The following CDC16 variants were observed in gnomAD, a reference collection of about 807,000 sequenced individuals.
CDC16 encodes cell division cycle 16.
A neutral mutation model predicts 87.0 loss-of-function variants in CDC16; 34 were observed. The ratio of observed to expected loss-of-function variants is 0.39; its 90% CI spans 0.30 to 0.52. The LOEUF is 0.52. Among genes scored for constraint, CDC16 ranks in the 20% least tolerant of loss-of-function variants. The pLI, the probability that CDC16 is intolerant of heterozygous loss-of-function variation, is 0.74. For missense variants in CDC16, 653 were observed against 751.9 expected (o/e 0.87, Z 1.54); for synonymous variants, 263 against 260.6 (o/e 1.01, Z -0.09).
At chr13:114,248,007 A>G (rs1843476340) in intron 11 of CDC16, among the ~76,000 whole-genome samples, 1 of 152,232 alleles carries the variant, frequency 6.6e-6, no homozygotes, top group South Asian at 2.1e-4. Flanking sequence ...TCTTTTATTA[A>G]TAGTTGTGAA....
chr13:114,235,427 C>T (rs1161550249), intron 1 of CDC16, among the ~76,000 whole-genome samples: 2 of 152,204 alleles, frequency 1.3e-5, no homozygotes, highest in African/African-American at 2.4e-5. Context: ...ACACTGACTA[C>T]TCAGTGCAAG....
In CDC16 at chr13:114,236,620, A is replaced by G. The variant is rs371985723; in HGVS notation, c.49-25A>G. ...CTATTAAAATAACAGGGCAGTTACC[A>G]CCTTTTTTTTTTTTTGGTATGCAGC... is the stretch of plus-strand genomic sequence containing the variant. On this transcript the variant is annotated intron_variant, in intron 1 of 17. Transcript: ENST00000356221. 7 of 1,562,924 alleles carry G rather than the reference A, an allele frequency of 4.5e-6. No homozygotes were observed. In the African/African-American group the frequency reaches 8.3e-5, roughly 19 times the overall value.
chr13:114,270,017 T>C (rs1456275772), intron 17 of CDC16, among the ~76,000 whole-genome samples: 1 of 152,232 alleles, frequency 6.6e-6, no homozygotes, highest in Non-Finnish European at 1.5e-5. Flanking sequence ...ATTTCACAGA[T>C]TTTTGACAAA....
intron 12 of CDC16, among the ~76,000 whole-genome samples, chr13:114,256,654 A>C (rs912514995): frequency 5.3e-5 from 8 of 152,240 alleles, no homozygotes; most frequent in Admixed American, 5.2e-4. Context: ...GAGAGCATTT[A>C]TGTTAGAAAA....
At position 114,272,396 on chromosome 13, in the gene CDC16, G is replaced by T. The variant is rs1285738053; in HGVS notation, c.1816G>T (p.Glu606Ter). ...LEETFEIEMN[E>*]SDMMLETSMS... Reference sequence around the variant, plus strand: ...AGAAACCTTTGAAATTGAAATGAATGAAAGTGACATGATGTTAGAGACATC... The same window carrying T: ...AGAAACCTTTGAAATTGAAATGAATTAAAGTGACATGATGTTAGAGACATC... The change falls in exon 18 of 18, where the codon GAA (glutamate) becomes TAA (stop). Residue 606 changes from glutamate (E) to a stop codon, truncating the protein, a stop_gained. Transcript: ENST00000356221. LOFTEE classifies it high-confidence loss of function. 5.6e-6 allele frequency: 9 copies of T among 1,614,008 alleles called. No individual in the cohort carries two copies. Among genetic ancestry groups the T allele is most frequent in the African/African-American group, 1.3e-5 (1 of 74,940 alleles).
chr13:114,236,597 A>G, intron 1 of CDC16, 48 bp from the exon 2 acceptor site: 1 of 1,552,642 alleles, frequency 6.4e-7, no homozygotes, highest in Non-Finnish European at 8.8e-7. Flanking sequence ...GTTTAAGACT[A>G]TTAAAATAAC....
intron 5 of CDC16, among the ~76,000 whole-genome samples, chr13:114,239,838 T>C (rs538862020): frequency 6.6e-6 from 1 of 152,354 alleles, no homozygotes; most frequent in Admixed American, 6.5e-5. Context: ...TTAGCGTACA[T>C]TGTTTCTTTC....
intron 6 of CDC16, chr13:114,242,616 C>T (rs1594569483): frequency 4.6e-6 from 1 of 216,106 alleles, no homozygotes; most frequent in Non-Finnish European, 9.1e-6. Flanking sequence ...ATGTCCAGTT[C>T]CCAACTCCAG....
chr13:114,244,021 C>T lies in CDC16; in HGVS notation c.767+32C>T, dbSNP rs140428792. On this transcript the variant is annotated intron_variant, in intron 8 of 17. Coordinates refer to ENST00000356221, the MANE Select transcript of CDC16 (RefSeq NM_001078645.3). Reference sequence around the variant, plus strand: ...ATATCCATCCATTTTTCTGTAGGAACATGGAGTTCACTCCATCTTACCTAG... The same window carrying T: ...ATATCCATCCATTTTTCTGTAGGAATATGGAGTTCACTCCATCTTACCTAG... The T allele has an allele frequency of 8.2e-5, 126 of 1,533,300 alleles. No individual in the cohort carries two copies. In the East Asian group the frequency reaches 2.7e-3, roughly 32 times the overall value. The allele number at this position is 1,533,300 out of a possible 1,614,324, so 95.0% of individuals were successfully genotyped here.
At chr13:114,244,079 G>A (rs953856919) in intron 8 of CDC16, 90 bp downstream of exon 8, 2 of 863,428 alleles carry the variant, frequency 2.3e-6, no homozygotes, top group Non-Finnish European at 3.6e-6. Context: ...GAATAATCTT[G>A]AACTAGATGA....
At chr13:114,256,241 A>T (rs1215096451) in intron 12 of CDC16, among the ~76,000 whole-genome samples, 1 of 152,192 alleles carries the variant, frequency 6.6e-6, no homozygotes, top group African/African-American at 2.4e-5. Context: ...AATTTTTGCC[A>T]GTGTTGTTGT....
At chr13:114,258,267 A>T (rs1425516075) in intron 13 of CDC16, among the ~76,000 whole-genome samples, 2 of 152,204 alleles carry the variant, frequency 1.3e-5, no homozygotes, top group Non-Finnish European at 2.9e-5. Context: ...GTAACCGCCA[A>T]ATCAGTTCCT....
intron 17 of CDC16, among the ~76,000 whole-genome samples, chr13:114,268,981 A>C (rs968830797): frequency 2.0e-5 from 3 of 152,190 alleles, no homozygotes; most frequent in Non-Finnish European, 4.4e-5. Flanking sequence ...AAAACTGCTT[A>C]ATATCACAAT....
chr13:114,247,898 A>G (rs1437823458), intron 11 of CDC16, among the ~76,000 whole-genome samples: 1 of 151,854 alleles, frequency 6.6e-6, no homozygotes, highest in African/African-American at 2.4e-5. Flanking sequence ...AATAATAATT[A>G]ATAAATGAGA....
Position 114,270,914 on chromosome 13 carries a change from C to CTTT in CDC16, c.1604-1247_1604-1245dup, listed in dbSNP as rs571053869. On this transcript the variant is annotated intron_variant, in intron 17 of 17. Transcript: ENST00000356221. ...CCTTGACCTCGCAGAAGAGATTTACCTTTTTTTTTTTTTTTTTTTTTTTTT... is the reference window on the plus strand; with the variant it reads ...CCTTGACCTCGCAGAAGAGATTTACCTTTTTTTTTTTTTTTTTTTTTTTTTTTT... Among the ~76,000 whole-genome samples the CTTT allele has an allele frequency of 2.1e-3, 214 of 101,154 alleles. 2 individuals carry two copies. Among genetic ancestry groups the CTTT allele is most frequent in the East Asian group, 3.5e-3 (11 of 3,100 alleles). The allele number at this position is 101,154 out of a possible 152,430, so 66.4% of individuals were successfully genotyped here.
intron 17 of CDC16, among the ~76,000 whole-genome samples, chr13:114,268,276 G>A (rs753935066): frequency 1.3e-5 from 2 of 152,216 alleles, no homozygotes; most frequent in African/African-American, 2.4e-5. Context: ...CTTACCTCCC[G>A]ACTGGCTCAC....
chr13:114,239,466 C>T lies in CDC16; in HGVS notation c.357C>T (p.Ser119=), dbSNP rs1166967057. The change falls in exon 5 of 18, where the codon AGC becomes AGT. Residue 119 remains serine, a synonymous_variant. Transcript: ENST00000356221. The stretch of plus-strand genomic sequence containing the variant: ...AAAGTGGCTTCAAAGATCCTTCCAG[C>T]GACTGGGAAATGTCACAGTCTTCAG... The part of the protein sequence containing the change: ...KDESGFKDPS[S]DWEMSQSSIK... 8.1e-6 allele frequency: 13 copies of T among 1,611,152 alleles called. No individual in the cohort carries two copies. The highest frequency in any genetic ancestry group is 4.5e-5 in the East Asian group (2 of 44,864).
Position 114,265,224 on chromosome 13 carries a change from T to C in CDC16, c.1587T>C (p.Asp529=). Residue 529 remains aspartate (D), a synonymous_variant, in exon 17 of 18, where the codon GAT becomes GAC. Coordinates refer to ENST00000356221, the MANE Select transcript of CDC16 (RefSeq NM_001078645.3). ...LGHCIEMYIG[D]SEAYIGADIK... is the part of the protein sequence containing the mutation. ...ATTGCATCGAAATGTACATTGGTGA[T>C]TCTGAAGCTTATATTGGTAAGATAA... is the stretch of plus-strand genomic sequence containing the variant. 6.2e-7 allele frequency: 1 copy of C among 1,603,836 alleles called. No individual in the cohort carries two copies. Among genetic ancestry groups the C allele is most frequent in the Non-Finnish European group, 8.5e-7 (1 of 1,170,548 alleles).
At chr13:114,237,222 C>CAA (rs57236351) in intron 3 of CDC16, among the ~76,000 whole-genome samples, 3,525 of 135,428 alleles carry the variant, frequency 0.026, 142 homozygotes, top group African/African-American at 0.091. Context: ...GACTCTGTCT[C>CAA]AAAAAAAAAA....
Sources: gnomAD v4.1 joint callset for allele counts (sites outside exome capture counted in the v4.1 genomes callset) on GRCh38, gnomAD v4.1.1 for gene constraint, MANE v1.5 for transcripts, NCBI Gene and HGNC (gene_info 2026-07-23, HGNC 2026-07-21) for gene names.